The following SLC23A2 variants were observed in gnomAD, a reference collection of about 807,000 sequenced individuals.
The protein encoded by SLC23A2 is Na(+)/L-ascorbic acid transporter 2.
SLC23A2 carries 36 observed loss-of-function variants against 73.3 expected under a neutral mutation model. That is an observed-to-expected ratio of 0.49 (90% CI 0.38 to 0.65). The LOEUF is 0.65. Ranked by LOEUF, SLC23A2 falls within the 30% of genes least tolerant of loss-of-function variation. The probability of loss-of-function intolerance (pLI) is 0.00; values close to 1 mark genes in which losing one functional copy is unlikely to be tolerated. For synonymous variants in SLC23A2, 343 were observed against 327.3 expected, an observed-to-expected ratio of 1.05 and a Z score of -0.52; for missense variants, 507 against 841.6, an observed-to-expected ratio of 0.60 and a Z score of 4.92.
chr20:4,952,476 T>C (rs2087218292), intron 2 of SLC23A2, among the ~76,000 whole-genome samples: 1 of 152,022 alleles, frequency 6.6e-6, no homozygotes, highest in African/African-American at 2.4e-5. Context: ...CCTTCATGTG[T>C]GAAAGCCAAA....
At chr20:4,994,837 G>A (rs2087992001) in intron 1 of SLC23A2, among the ~76,000 whole-genome samples, 1 of 152,072 alleles carries the variant, frequency 6.6e-6, no homozygotes, top group Admixed American at 6.6e-5. Flanking sequence ...AGGAGGCTGA[G>A]GCAGGAGAAT....
intron 1 of SLC23A2, among the ~76,000 whole-genome samples, chr20:4,997,716 T>C (rs1265287082): frequency 6.6e-6 from 1 of 152,142 alleles, no homozygotes; most frequent in Non-Finnish European, 1.5e-5. Flanking sequence ...CCTCAACCTC[T>C]TGGGCTCAAG....
intron 1 of SLC23A2, among the ~76,000 whole-genome samples, chr20:4,993,396 A>G (rs1432978195): frequency 6.7e-6 from 1 of 150,126 alleles, no homozygotes; most frequent in Non-Finnish European, 1.5e-5. Flanking sequence ...TATAGTGCAA[A>G]TATGCCAAAA....
Position 4,947,348 on chromosome 20 carries a change from T to C in SLC23A2, c.-154-14632A>G, listed in dbSNP as rs963875498. ...GCATGACAAAATTAAAATCTGAATG[T>C]ACATTTTAGCAAACTAAAGCAGAAC... On this transcript the variant is annotated intron_variant, in intron 2 of 16. Transcript: ENST00000338244. This position sits in a 1 kb window ranked among gnomAD's most constrained non-coding sequence, Gnocchi z 4.4. 6.6e-6 allele frequency among the ~76,000 whole-genome samples: 1 copy of C among 152,224 alleles called. No individual in the cohort carries two copies. The highest frequency in any genetic ancestry group is 1.5e-5 in the Non-Finnish European group (1 of 68,046).
intron 6 of SLC23A2, among the ~76,000 whole-genome samples, chr20:4,890,027 G>C (rs1931268320): frequency 6.6e-6 from 1 of 152,108 alleles, no homozygotes; most frequent in South Asian, 2.1e-4. Flanking sequence ...GGTGCCATCA[G>C]AGAAACTTTA....
intron 15 of SLC23A2, 47 bp downstream of exon 15, chr20:4,861,901 G>T (rs1312583199): frequency 3.1e-6 from 5 of 1,603,728 alleles, no homozygotes; most frequent in African/African-American, 1.3e-5. Context: ...TGGACTGGCG[G>T]CTGTGGTTCC....
At position 4,854,663 on chromosome 20, in the gene SLC23A2, CAT is replaced by C. The variant is rs757866753; in HGVS notation, c.*2307_*2308del. On this transcript the variant is annotated 3_prime_UTR_variant, in exon 17 of 17. Transcript: ENST00000338244. The stretch of plus-strand genomic sequence containing the variant: ...GTGAAGGCCTACAGAGGGCACCCCA[CAT>C]GTTAGCGGGGTTGAATCCTCCTGAT... The C allele has an allele frequency of 2.6e-5, 4 of 152,118 alleles. No homozygotes were observed. Among genetic ancestry groups the C allele is most frequent in the Admixed American group, 1.3e-4 (2 of 15,274 alleles). 9.4% of individuals were successfully genotyped at this position (152,118 alleles called of 1,614,324 possible). A position where few individuals can be genotyped will look rare whatever the true frequency, so the allele number is the denominator to read the frequency against.
At chr20:4,942,433 A>T (rs559416442) in intron 2 of SLC23A2, among the ~76,000 whole-genome samples, 2 of 152,276 alleles carry the variant, frequency 1.3e-5, no homozygotes, top group East Asian at 1.9e-4. Flanking sequence ...CAGATAAAAA[A>T]AATCAGCCAT....
intron 13 of SLC23A2, among the ~76,000 whole-genome samples, chr20:4,864,256 C>G (rs1252939112): frequency 6.6e-6 from 1 of 152,176 alleles, no homozygotes; most frequent in Non-Finnish European, 1.5e-5. Flanking sequence ...AACGCAATTC[C>G]TCACGTACAC....
intron 8 of SLC23A2, 50 bp downstream of exon 8, chr20:4,884,703 G>A: frequency 7.8e-7 from 1 of 1,282,416 alleles, no homozygotes; most frequent in East Asian, 2.3e-5. Context: ...CAACATTGAA[G>A]CTGAGAAGAA....
intron 3 of SLC23A2, among the ~76,000 whole-genome samples, chr20:4,915,123 C>A (rs1055720145): frequency 5.9e-5 from 9 of 151,782 alleles, no homozygotes; most frequent in African/African-American, 2.2e-4. Context: ...TAGAATTATC[C>A]CAACTGAGCT....
intron 9 of SLC23A2, among the ~76,000 whole-genome samples, chr20:4,878,089 T>C (rs1421088173): frequency 1.3e-5 from 2 of 152,232 alleles, no homozygotes; most frequent in East Asian, 3.8e-4. Flanking sequence ...ACACCCTTCA[T>C]CTATTACTCC....
rs768889427 is a variant in SLC23A2, at chr20:4,862,904, C to T, written c.1360G>A (p.Gly454Ser). 20 of 1,609,124 alleles carry T rather than the reference C, an allele frequency of 1.2e-5. No homozygotes were observed. Among genetic ancestry groups the T allele is most frequent in the East Asian group, 4.5e-5 (2 of 44,796 alleles). Residue 454 changes from glycine to serine, a missense_variant, in exon 14 of 17, where the codon GGC becomes AGC. By Grantham distance (56) the Gly-to-Ser change is moderately conservative. Around this residue, in one of 5 missense-constraint regions of SLC23A2, gnomAD observed 168 missense variants for 302.3 expected, o/e 0.56. Transcript: ENST00000338244. The surrounding 1 kb of genome is among the most constrained non-coding windows in gnomAD (Gnocchi z 5.1). ...NIGVLGITKV[G>S]SRRVIQCGAA... is the part of the protein sequence containing the mutation. The stretch of plus-strand genomic sequence containing the variant: ...CCGCACTGTATCACGCGGCGGCTGC[C>T]GACCTGCAGAACACACAGGAGACTG...
At chr20:4,907,780 C>T (rs1932008515) in intron 4 of SLC23A2, among the ~76,000 whole-genome samples, 1 of 151,744 alleles carries the variant, frequency 6.6e-6, no homozygotes, top group Non-Finnish European at 1.5e-5. Flanking sequence ...GACATGTTAA[C>T]AAATTAGAAG....
intron 2 of SLC23A2, among the ~76,000 whole-genome samples, chr20:4,959,080 A>G (rs572404350): frequency 6.6e-6 from 1 of 151,868 alleles, no homozygotes; most frequent in African/African-American, 2.4e-5. Context: ...TTAGCTGGGC[A>G]TGGTAGCACA....
intron 6 of SLC23A2, among the ~76,000 whole-genome samples, chr20:4,889,087 T>A (rs1441183953): frequency 6.6e-6 from 1 of 152,252 alleles, no homozygotes; most frequent in Non-Finnish European, 1.5e-5. Context: ...AAACACTTCC[T>A]GAGCCCTTCT....
intron 13 of SLC23A2, among the ~76,000 whole-genome samples, chr20:4,867,254 C>T (rs925996093): frequency 4.6e-5 from 7 of 151,952 alleles, no homozygotes; most frequent in South Asian, 2.1e-4. Flanking sequence ...GGATAGGGCT[C>T]GGCCCTGGCC....
intron 6 of SLC23A2, among the ~76,000 whole-genome samples, chr20:4,898,402 T>C (rs1931628179): frequency 6.6e-6 from 1 of 152,260 alleles, no homozygotes; most frequent in Non-Finnish European, 1.5e-5. Flanking sequence ...CGTGCCGCGT[T>C]AGGGCAACCC....
chr20:4,881,293 G>A (rs11696241), intron 9 of SLC23A2, among the ~76,000 whole-genome samples: 2,001 of 152,168 alleles, frequency 0.013, 19 homozygotes, highest in Middle Eastern at 0.048. Context: ...TTACAGGTCT[G>A]AACTACAGGT....
Sources: allele counts gnomAD v4.1 joint callset (sites outside exome capture counted in the v4.1 genomes callset), GRCh38; gene constraint gnomAD v4.1.1; regional missense constraint gnomAD v4.1.1; non-coding constraint Gnocchi (gnomAD v3.1); transcripts MANE v1.5; gene names NCBI Gene and HGNC (gene_info 2026-07-23, HGNC 2026-07-21).